SPINK5: variants seen among roughly 807,000 people sequenced by gnomAD.
SPINK5 encodes the protein serine peptidase inhibitor Kazal type 5, also known as serine protease inhibitor Kazal-type 5.
SPINK5 carries 125 observed loss-of-function variants against 151.8 expected under a neutral mutation model. The observed-to-expected ratio is 0.82, with a 90% CI of 0.71 to 0.96. The LOEUF is 0.96. SPINK5 is among the 40% of genes least tolerant of loss of function. The pLI is 0.00. For missense variants in SPINK5, 1,194 were observed against 1,291.9 expected (o/e 0.92, Z 1.16); for synonymous variants, 374 against 395.3 (o/e 0.95, Z 0.64).
intron 1 of SPINK5, among the ~76,000 whole-genome samples, 169 bp downstream of exon 1, chr5:148,064,268 T>TA (rs1471323502): frequency 6.6e-6 from 1 of 152,226 alleles, no homozygotes; most frequent in East Asian, 1.9e-4. Flanking sequence ...GCTTTATAAT[T>TA]ATGTTGTTAT....
At chr5:148,104,494 T>C (rs1408020072) in intron 15 of SPINK5, among the ~76,000 whole-genome samples, 2 of 152,188 alleles carry the variant, frequency 1.3e-5, no homozygotes. Flanking sequence ...TTGTTTATTG[T>C]CTAATAAAAG....
At chr5:148,136,440 T>A (rs943574869) in intron 32 of SPINK5, among the ~76,000 whole-genome samples, 1 of 152,104 alleles carries the variant, frequency 6.6e-6, no homozygotes, top group Non-Finnish European at 1.5e-5. Flanking sequence ...TGTGCAGTTA[T>A]GTGAAAGAAA....
chr5:148,101,890 C>T lies in SPINK5; in HGVS notation c.1412C>T (p.Ser471Phe), dbSNP rs1420661850. The change falls in exon 15 of 33, where the codon TCC becomes TTC. Residue 471 changes from serine (S) to phenylalanine (F), a missense_variant. Physicochemically the swap from Ser to Phe is radical, Grantham distance 155 (BLOSUM62 -2). Coordinates refer to ENST00000256084, the MANE Select transcript of SPINK5 (RefSeq NM_006846.4). ...PDGKMHGNTCSMCEAFFQQEE... is the reference protein window; with the variant it reads ...PDGKMHGNTCFMCEAFFQQEE... The stretch of plus-strand genomic sequence containing the variant: ...GGAAAAATGCATGGCAACACCTGCT[C>T]CATGTGTGAGGCCTTCTTGTGAGTA... The T allele has an allele frequency of 6.2e-7, 1 of 1,613,636 alleles. No individual in the cohort carries two copies. Among genetic ancestry groups the T allele is most frequent in the Non-Finnish European group, 8.5e-7 (1 of 1,179,690 alleles).
chr5:148,064,705 A>T (rs1170920008), intron 1 of SPINK5, among the ~76,000 whole-genome samples: 1 of 152,130 alleles, frequency 6.6e-6, no homozygotes, highest in African/African-American at 2.4e-5. Context: ...GCTCTGAAAC[A>T]TTAAAATTTT....
chr5:148,067,451 G>A (rs535594987), intron 2 of SPINK5, among the ~76,000 whole-genome samples: 44 of 152,168 alleles, frequency 2.9e-4, no homozygotes, highest in African/African-American at 1.1e-3. Context: ...GATGACTTTT[G>A]GTCTAAATAT....
At chr5:148,125,582 G>A (rs754188927) in intron 28 of SPINK5, 141 bp from the exon 29 acceptor site, 42 of 1,614,124 alleles carry the variant, frequency 2.6e-5, no homozygotes, top group Middle Eastern at 1.6e-4. Context: ...CAACCTGGGC[G>A]TTCCTTGGCC....
At chr5:148,082,194 ACT>A (rs1415631195) in intron 4 of SPINK5, among the ~76,000 whole-genome samples, 4 of 151,088 alleles carry the variant, frequency 2.6e-5, no homozygotes, top group African/African-American at 9.7e-5. Context: ...TTGATAATAT[ACT>A]CTGTTGTTTC....
In SPINK5 at chr5:148,125,867, T is replaced by C; in HGVS notation, c.2867+17T>C. On this transcript the variant is annotated intron_variant, in intron 29 of 32. Coordinates refer to ENST00000256084, the MANE Select transcript of SPINK5 (RefSeq NM_006846.4). ...AGCTGTCTTGTGAGTAAGAGGATTC[T>C]GCTCCCCCTGTAGCTAGCAGGGGAA... The C allele has an allele frequency of 6.2e-7, 1 of 1,614,184 alleles. No homozygotes were observed. The highest frequency in any genetic ancestry group is 8.5e-7 in the Non-Finnish European group (1 of 1,180,016).
chr5:148,121,643 T>C (rs1754267419), intron 26 of SPINK5, among the ~76,000 whole-genome samples: 1 of 122,690 alleles, frequency 8.2e-6, no homozygotes, highest in Non-Finnish European at 1.8e-5. Context: ...ATATAGAAAA[T>C]ACTGAGTAAA....
At chr5:148,073,564 C>T (rs1752796624) in intron 4 of SPINK5, among the ~76,000 whole-genome samples, 1 of 151,658 alleles carries the variant, frequency 6.6e-6, no homozygotes, top group Non-Finnish European at 1.5e-5. Flanking sequence ...TCTCCTCTTC[C>T]TCCTCTGTCT....
intron 26 of SPINK5, among the ~76,000 whole-genome samples, chr5:148,123,521 G>GTGTATATATATA (rs1328976077): frequency 6.0e-4 from 15 of 25,016 alleles, no homozygotes; most frequent in African/African-American, 1.1e-3. Context: ...CAATATATGT[G>GTGTATATATATA]TATATATATA....
chr5:148,091,797 ATG>A (rs1158762941), intron 8 of SPINK5, among the ~76,000 whole-genome samples: 3 of 151,640 alleles, frequency 2.0e-5, no homozygotes, highest in African/African-American at 7.3e-5. Context: ...AATTTTTAGA[ATG>A]TGTTTTAAAA....
intron 26 of SPINK5, 37 bp downstream of exon 26, chr5:148,120,428 T>C (rs368464888): frequency 2.2e-4 from 342 of 1,564,470 alleles, no homozygotes; most frequent in Non-Finnish European, 2.8e-4. Flanking sequence ...CTGAATTCAG[T>C]TAGTTCATTG....
chr5:148,076,076 G>A (rs1008533661), intron 4 of SPINK5, among the ~76,000 whole-genome samples: 12 of 151,818 alleles, frequency 7.9e-5, no homozygotes, highest in African/African-American at 2.4e-4. Context: ...GCGCATATCC[G>A]CTTAATAAAC....
At chr5:148,102,175 C>G (rs1049200164) in intron 15 of SPINK5, among the ~76,000 whole-genome samples, 1 of 151,914 alleles carries the variant, frequency 6.6e-6, no homozygotes, top group Admixed American at 6.6e-5. Flanking sequence ...CTAAAAAAAG[C>G]TAACTCATAG....
Position 148,095,923 on chromosome 5 carries a change from C to T in SPINK5, c.882+18C>T, listed in dbSNP as rs1753444591. 1.3e-6 allele frequency: 2 copies of T among 1,594,462 alleles called. No homozygotes were observed. The highest frequency in any genetic ancestry group is 1.1e-5 in the South Asian group (1 of 90,394). ...AAATTGTGGTGAGAATCAGTTTGAT[C>T]AATCTAGTTACAACTTGTGTGTGTG... is the stretch of plus-strand genomic sequence containing the variant. On this transcript the variant is annotated intron_variant, in intron 10 of 32. Transcript: ENST00000256084.
intron 30 of SPINK5, among the ~76,000 whole-genome samples, chr5:148,128,927 T>A (rs1754503517): frequency 6.6e-6 from 1 of 151,726 alleles, no homozygotes; most frequent in Non-Finnish European, 1.5e-5. Flanking sequence ...CAATAAATAA[T>A]ATGAATAAAT....
intron 2 of SPINK5, among the ~76,000 whole-genome samples, chr5:148,069,380 C>T (rs891378869): frequency 1.3e-4 from 20 of 151,662 alleles, no homozygotes; most frequent in African/African-American, 3.6e-4. Context: ...CTTTGTATAA[C>T]GGAGTTATTG....
rs1207718361 is a variant in SPINK5 at position 148,064,014 on chromosome 5, GGAC to G, written c.-30_-28del. 1.9e-6 allele frequency: 3 copies of G among 1,613,544 alleles called. No individual in the cohort carries two copies. In the South Asian group the frequency reaches 3.3e-5, roughly 18 times the overall value. On this transcript the variant is annotated 5_prime_UTR_variant, in exon 1 of 33. Coordinates refer to ENST00000256084, the MANE Select transcript of SPINK5 (RefSeq NM_006846.4). ...GCACCAGCTGAGCAATGCATGGAGT[GGAC>G]CTGTAGGCGACTTGCATCGTCTTCA...
Sources: gnomAD v4.1 joint callset for allele counts (sites outside exome capture counted in the v4.1 genomes callset) on GRCh38, gnomAD v4.1.1 for gene constraint, MANE v1.5 for transcripts, NCBI Gene and HGNC (gene_info 2026-07-23, HGNC 2026-07-21) for gene names.